Variants in GRAMD4 observed in about 807,000 individuals in gnomAD.
GRAMD4 encodes GRAM domain-containing protein 4.
A neutral mutation model predicts 83.9 loss-of-function variants in GRAMD4; 25 were observed. The ratio of observed to expected loss-of-function variants is 0.30; its 90% confidence interval spans 0.22 to 0.42. The LOEUF is 0.42. GRAMD4 is among the 10% of genes least tolerant of loss of function. The pLI, the probability that GRAMD4 is intolerant of heterozygous loss-of-function variation, is 1.00. For synonymous variants in GRAMD4, 336 were observed against 320.9 expected (o/e 1.05, Z -0.50); for missense variants, 593 against 788.7 (o/e 0.75, Z 2.97).
At chr22:46,638,906 G>A (rs1250925356) in intron 3 of GRAMD4, among the ~76,000 whole-genome samples, 1 of 152,206 alleles carries the variant, frequency 6.6e-6, no homozygotes, top group Admixed American at 6.5e-5. Flanking sequence ...GACAGCCAGT[G>A]CCTTTGCCAG....
rs963782256 is a variant in GRAMD4 at position 46,658,295 on chromosome 22, T to G, written c.392T>G (p.Val131Gly). The G allele has an allele frequency of 1.9e-6, 3 of 1,611,262 alleles. No individual in the cohort carries two copies. The Admixed American group carries it at 5.0e-5, about 27-fold the overall frequency. Residue 131 changes from valine (V) to glycine (G), a missense_variant, in exon 4 of 19, where the codon GTG becomes GGG. This residue lies in a region of GRAMD4 where 312 missense variants were observed against 350.7 expected (regional missense o/e 0.89). Transcript: ENST00000406902. ...GAGCTGGAGCAGAAGGTGCAGGAGG[T>G]GCTGAAGGCCAGGTACCGCGCCTTC... Reference protein sequence around the residue: ...RMELEQKVQEVLKARTEEQMA... With the variant: ...RMELEQKVQEGLKARTEEQMA...
chr22:46,602,417 C>A (rs188962269), intron 1 of GRAMD4, among the ~76,000 whole-genome samples: 1 of 152,258 alleles, frequency 6.6e-6, no homozygotes, highest in Admixed American at 6.5e-5. Context: ...GTGACTGATA[C>A]CTGTAGCCCC....
Position 46,678,424 on chromosome 22 carries a change from C to G in GRAMD4, c.*1173C>G. 10 of 985,376 alleles carry G rather than the reference C, an allele frequency of 1.0e-5. No homozygotes were observed. Among genetic ancestry groups the G allele is most frequent in the Non-Finnish European group, 1.2e-5 (10 of 829,898 alleles). The allele number at this position is 985,376 out of a possible 1,614,324, so 61.0% of individuals were successfully genotyped here. On this transcript the variant is annotated 3_prime_UTR_variant, in exon 19 of 19. Transcript: ENST00000406902. ...CAGCCCCCGCCCTGCCCCAGGGAAG[C>G]CTGGGCTTCCCGGGAACAAGGTGGC...
intron 2 of GRAMD4, among the ~76,000 whole-genome samples, chr22:46,636,948 G>A (rs2081897925): frequency 6.6e-6 from 1 of 152,230 alleles, no homozygotes; most frequent in South Asian, 2.1e-4. Flanking sequence ...GCCCCTGTTT[G>A]GAGTTTGCTG....
intron 1 of GRAMD4, among the ~76,000 whole-genome samples, chr22:46,596,561 C>A: frequency 6.6e-6 from 1 of 152,214 alleles, no homozygotes; most frequent in Admixed American, 6.5e-5. Context: ...TTTTCTGAGA[C>A]GGAGTCTCAT....
chr22:46,616,140 G>A (rs1488281468), upstream of GRAMD4, among the ~76,000 whole-genome samples: 4 of 143,322 alleles, frequency 2.8e-5, no homozygotes, highest in African/African-American at 1.1e-4. Context: ...TCCCCTGTGT[G>A]TAGGTTCCCC....
At position 46,672,150 on chromosome 22, in the gene GRAMD4, G is replaced by A. The variant is rs1043571939; in HGVS notation, c.1085-693G>A. On this transcript the variant is annotated intron_variant, in intron 13 of 18. Coordinates refer to ENST00000406902, the MANE Select transcript of GRAMD4 (RefSeq NM_015124.5). The surrounding 1 kb of genome is among the most constrained non-coding windows in gnomAD (Gnocchi z 4.7). ...GTGCGTTAGCAGGTGTGTGGGGGCC[G>A]GCCCCGCCTCCCATCCCTGCATCTG... 6.5e-4 allele frequency among the ~76,000 whole-genome samples: 99 copies of A among 152,232 alleles called. No homozygotes were observed. Among genetic ancestry groups the A allele is most frequent in the African/African-American group, 2.3e-3 (95 of 41,460 alleles).
chr22:46,602,374 G>A (rs975720561), intron 1 of GRAMD4, among the ~76,000 whole-genome samples: 2 of 152,188 alleles, frequency 1.3e-5, no homozygotes, highest in African/African-American at 4.8e-5. Flanking sequence ...GGTTTCCCAA[G>A]GCAATTTAGT....
At chr22:46,599,848 G>C (rs1043100073) in intron 1 of GRAMD4, among the ~76,000 whole-genome samples, 13 of 151,914 alleles carry the variant, frequency 8.6e-5, no homozygotes, top group Non-Finnish European at 1.9e-4. Context: ...TGTGAGGTGT[G>C]ACTGCTTTTG....
At chr22:46,632,915 G>A (rs529770047) in intron 2 of GRAMD4, among the ~76,000 whole-genome samples, 1 of 152,230 alleles carries the variant, frequency 6.6e-6, no homozygotes, top group African/African-American at 2.4e-5. Context: ...TCTGCACTGG[G>A]CAGAGCCTTT....
chr22:46,662,398 A>C (rs934683125), intron 5 of GRAMD4, among the ~76,000 whole-genome samples: 14 of 152,226 alleles, frequency 9.2e-5, no homozygotes, highest in Non-Finnish European at 1.5e-4. Flanking sequence ...GAAGGGAGGG[A>C]CTGGCTTGCA....
intron 4 of GRAMD4, among the ~76,000 whole-genome samples, chr22:46,658,928 G>A (rs113873103): frequency 1.1e-3 from 168 of 152,158 alleles, no homozygotes; most frequent in African/African-American, 3.7e-3. Flanking sequence ...GGGACCCTGA[G>A]TGCTCACAGT....
chr22:46,578,338 C>A (rs1164742251), intron 1 of GRAMD4, among the ~76,000 whole-genome samples: 3 of 152,100 alleles, frequency 2.0e-5, no homozygotes, highest in African/African-American at 7.2e-5. Flanking sequence ...CCTCAGAAGT[C>A]GAGGGCAGCA....
intron 3 of GRAMD4, among the ~76,000 whole-genome samples, chr22:46,643,172 C>CATCCATCCGTGGATCCATCT (rs2082010235): frequency 6.7e-6 from 1 of 149,280 alleles, no homozygotes. Context: ...TCCATCCATC[C>CATCCATCCGTGGATCCATCT]ATCCATCCAT....
chr22:46,658,291 G>A lies in GRAMD4; in HGVS notation c.388G>A (p.Glu130Lys). The A allele has an allele frequency of 6.2e-7, 1 of 1,612,010 alleles. No homozygotes were observed. Among genetic ancestry groups the A allele is most frequent in the Non-Finnish European group, 8.5e-7 (1 of 1,179,596 alleles). ...RRMELEQKVQ[E>K]VLKARTEEQM... is the part of the protein sequence containing the mutation. ...GATGGAGCTGGAGCAGAAGGTGCAG[G>A]AGGTGCTGAAGGCCAGGTACCGCGC... The change falls in exon 4 of 19, where the codon GAG (glutamate) becomes AAG (lysine). Residue 130 changes from glutamate (E) to lysine (K), a missense_variant. By Grantham distance (56) the Glu-to-Lys change is moderately conservative. Around this residue, in one of 4 missense-constraint regions of GRAMD4, gnomAD observed 312 missense variants for 350.7 expected, o/e 0.89. Transcript: ENST00000406902.
chr22:46,591,324 C>T (rs2081205530), intron 1 of GRAMD4, among the ~76,000 whole-genome samples: 3 of 152,186 alleles, frequency 2.0e-5, no homozygotes, highest in South Asian at 4.2e-4. Flanking sequence ...TTGAGAACGG[C>T]CTGGGCAACA....
At chr22:46,617,774 C>A (rs1021576279), upstream of GRAMD4, among the ~76,000 whole-genome samples, 1 of 152,120 alleles carries the variant, frequency 6.6e-6, no homozygotes, top group East Asian at 1.9e-4. Context: ...CGCTCCCTGG[C>A]CCCCCTGGGT....
chr22:46,585,756 A>G (rs1031316228), intron 1 of GRAMD4, among the ~76,000 whole-genome samples: 1 of 152,222 alleles, frequency 6.6e-6, no homozygotes, highest in African/African-American at 2.4e-5. Flanking sequence ...TGACCCTGCC[A>G]GGGAGGGAGC....
chr22:46,618,510 G>A (rs949568806), upstream of GRAMD4, among the ~76,000 whole-genome samples: 1 of 152,242 alleles, frequency 6.6e-6, no homozygotes, highest in Admixed American at 6.5e-5. The surrounding 1 kb of genome is among the most constrained non-coding windows in gnomAD (Gnocchi z 5.8). Context: ...CAGAGCTGCA[G>A]CCAAGCCTAG....
Sources: allele counts gnomAD v4.1 joint callset (sites outside exome capture counted in the v4.1 genomes callset), GRCh38; gene constraint gnomAD v4.1.1; regional missense constraint gnomAD v4.1.1; non-coding constraint Gnocchi (gnomAD v3.1); transcripts MANE v1.5; gene names NCBI Gene and HGNC (gene_info 2026-07-23, HGNC 2026-07-21).